Variants in LONRF1 observed in about 807,000 individuals in gnomAD.
LONRF1 encodes the protein LON peptidase N-terminal domain and RING finger protein 1.
A neutral mutation model predicts 85.8 loss-of-function variants in LONRF1; 37 were observed. That is an observed-to-expected ratio of 0.43 (90% CI 0.33 to 0.57). LONRF1 has a LOEUF of 0.57. Among genes scored for constraint, LONRF1 ranks in the 20% least tolerant of loss-of-function variants. The probability of loss-of-function intolerance (pLI) is 0.04; values close to 1 mark genes in which losing one functional copy is unlikely to be tolerated. For missense variants in LONRF1, 1,036 were observed against 978.0 expected, an observed-to-expected ratio of 1.06 and a Z score of -0.79; for synonymous variants, 517 against 390.1, an observed-to-expected ratio of 1.33 and a Z score of -3.83.
In LONRF1 at chr8:12,737,036, G is replaced by A; in HGVS notation, c.1218C>T (p.Asp406=). ...GTTCTGAGGACACTCTTTTTAAACA[G>A]TCCTCTCTGGCAGGCATTTCTGTTG... is the stretch of plus-strand genomic sequence containing the variant. ...INSTEMPARE[D]CLKRVSSEPV... Residue 406 remains aspartate (D), a synonymous_variant, in exon 5 of 12, where the codon GAC becomes GAT. Transcript: ENST00000398246. 6.2e-7 allele frequency: 1 copy of A among 1,613,652 alleles called. No homozygotes were observed. Among genetic ancestry groups the A allele is most frequent in the Non-Finnish European group, 8.5e-7 (1 of 1,179,722 alleles).
intron 8 of LONRF1, among the ~76,000 whole-genome samples, chr8:12,730,118 A>C (rs1798471477): frequency 6.6e-6 from 1 of 152,244 alleles, no homozygotes; most frequent in East Asian, 1.9e-4. Flanking sequence ...GATAGTAACC[A>C]AATTGTAGAA....
At chr8:12,743,079 T>C in intron 2 of LONRF1, 85 bp downstream of exon 2, 2 of 863,318 alleles carry the variant, frequency 2.3e-6, no homozygotes, top group Non-Finnish European at 3.9e-6. Context: ...CCATCTACTT[T>C]GTTAAAATTC....
At chr8:12,749,289 A>G (rs1452343569) in intron 1 of LONRF1, among the ~76,000 whole-genome samples, 1 of 152,212 alleles carries the variant, frequency 6.6e-6, no homozygotes, top group Non-Finnish European at 1.5e-5. Context: ...TCAGGAGAGC[A>G]GACTGGACAA....
chr8:12,754,691 C>T lies in LONRF1; in HGVS notation c.721+9G>A, dbSNP rs537970133. Reference sequence around the variant, plus strand: ...TCGGCCCGGCCCCGCCGCATCCCCGCGCGGTCACCTGCTCGCAGCGCCTCG... The same window carrying T: ...TCGGCCCGGCCCCGCCGCATCCCCGTGCGGTCACCTGCTCGCAGCGCCTCG... On this transcript the variant is annotated intron_variant, in intron 1 of 11. Coordinates refer to ENST00000398246, the MANE Select transcript of LONRF1 (RefSeq NM_152271.5). 4.5e-4 allele frequency: 599 copies of T among 1,342,908 alleles called. 17 individuals carry two copies. The South Asian group carries it at 0.011, about 24-fold the overall frequency. The allele number at this position is 1,342,908 out of a possible 1,614,324, so 83.2% of individuals were successfully genotyped here. A position where few individuals can be genotyped will look rare whatever the true frequency, so the allele number is the denominator to read the frequency against.
chr8:12,728,849 T>C, intron 10 of LONRF1, 52 bp downstream of exon 10: 2 of 1,594,960 alleles, frequency 1.3e-6, no homozygotes, highest in South Asian at 2.2e-5. Flanking sequence ...CCTGTACCAA[T>C]CCCTGGAACA....
At chr8:12,730,447 A>G (rs1433301921) in intron 8 of LONRF1, among the ~76,000 whole-genome samples, 3 of 152,178 alleles carry the variant, frequency 2.0e-5, no homozygotes, top group African/African-American at 7.2e-5. Context: ...TTACTTATAT[A>G]AACATAAGGT....
chr8:12,743,647 A>G (rs1476657325), intron 1 of LONRF1, among the ~76,000 whole-genome samples: 3 of 152,112 alleles, frequency 2.0e-5, no homozygotes. Flanking sequence ...TTTATAGTAA[A>G]TCTTATATTT....
At chr8:12,733,602 A>T (rs987999368) in intron 7 of LONRF1, among the ~76,000 whole-genome samples, 11 of 152,184 alleles carry the variant, frequency 7.2e-5, no homozygotes, top group African/African-American at 2.7e-4. Context: ...AATATCTGTC[A>T]TAATATCTTC....
Position 12,722,784 on chromosome 8 carries a change from G to A in LONRF1, c.*312C>T, listed in dbSNP as rs186016177. Reference sequence around the variant, plus strand: ...CCAACCCCCACAAGCACACACGCACGCACACACACACACACACTCTCTCAC... The same window carrying A: ...CCAACCCCCACAAGCACACACGCACACACACACACACACACACTCTCTCAC... On this transcript the variant is annotated 3_prime_UTR_variant, in exon 12 of 12. Coordinates refer to ENST00000398246, the MANE Select transcript of LONRF1 (RefSeq NM_152271.5). The A allele has an allele frequency of 1.0e-4, 18 of 174,746 alleles. No individual in the cohort carries two copies. The highest frequency in any genetic ancestry group is 3.2e-4 in the South Asian group (2 of 6,170). 10.8% of individuals were successfully genotyped at this position (174,746 alleles called of 1,614,324 possible). A position where few individuals can be genotyped will look rare whatever the true frequency, so the allele number is the denominator to read the frequency against.
chr8:12,725,175 A>C (rs1222911383), intron 11 of LONRF1, among the ~76,000 whole-genome samples: 2 of 152,248 alleles, frequency 1.3e-5, no homozygotes, highest in East Asian at 3.8e-4. Flanking sequence ...ACTAAGCTTA[A>C]GTGTAAACCC....
In LONRF1 at chr8:12,752,395, C is replaced by T. The variant is rs529468446; in HGVS notation, c.721+2305G>A. Among the ~76,000 whole-genome samples the T allele has an allele frequency of 1.1e-4, 16 of 152,204 alleles. No individual in the cohort carries two copies. The South Asian group carries it at 3.1e-3, about 30-fold the overall frequency. On this transcript the variant is annotated intron_variant, in intron 1 of 11. Coordinates refer to ENST00000398246, the MANE Select transcript of LONRF1 (RefSeq NM_152271.5). ...ATTTGTTAGCTCTGAGATTTTTTTC[C>T]TGTTAGTTCACATTAAGAATTCAAA...
chr8:12,731,677 G>GT, intron 8 of LONRF1, 59 bp downstream of exon 8: 1 of 1,478,288 alleles, frequency 6.8e-7, no homozygotes, highest in Non-Finnish European at 9.2e-7. Flanking sequence ...TTGCGGTGAG[G>GT]TTTTTCCTTA....
intron 1 of LONRF1, among the ~76,000 whole-genome samples, chr8:12,750,300 C>T (rs1186589176): frequency 6.6e-6 from 1 of 152,194 alleles, no homozygotes; most frequent in Non-Finnish European, 1.5e-5. Flanking sequence ...TAAGTAAGGA[C>T]ATAAATAAGT....
At chr8:12,725,676 A>C in intron 11 of LONRF1, 51 bp downstream of exon 11, 1 of 1,569,348 alleles carries the variant, frequency 6.4e-7, no homozygotes, top group African/African-American at 1.4e-5. Flanking sequence ...AAGTGTGCAA[A>C]TTTGGGTTTA....
Position 12,754,693 on chromosome 8 carries a change from C to A in LONRF1, c.721+7G>T. ...GGCCCGGCCCCGCCGCATCCCCGCGCGGTCACCTGCTCGCAGCGCCTCGCA... is the reference window on the plus strand; with the variant it reads ...GGCCCGGCCCCGCCGCATCCCCGCGAGGTCACCTGCTCGCAGCGCCTCGCA... On this transcript the variant is annotated splice_region_variant and intron_variant, in intron 1 of 11. Coordinates refer to ENST00000398246, the MANE Select transcript of LONRF1 (RefSeq NM_152271.5). The A allele has an allele frequency of 1.3e-5, 17 of 1,345,406 alleles. No individual in the cohort carries two copies. Among genetic ancestry groups the A allele is most frequent in the African/African-American group, 1.5e-5 (1 of 64,796 alleles). 83.3% of individuals were successfully genotyped at this position (1,345,406 alleles called of 1,614,324 possible). A position where few individuals can be genotyped will look rare whatever the true frequency, so the allele number is the denominator to read the frequency against.
In LONRF1 at chr8:12,729,391, T is replaced by A; in HGVS notation, c.1689-59A>T. ...TACAAGAAAAATATTACCGAACACA[T>A]ACAAAAAATGAGTGAGGTTTATAAC... On this transcript the variant is annotated intron_variant, in intron 8 of 11. Coordinates refer to ENST00000398246, the MANE Select transcript of LONRF1 (RefSeq NM_152271.5). The A allele has an allele frequency of 3.3e-6, 5 of 1,525,486 alleles. No individual in the cohort carries two copies. In the South Asian group the frequency reaches 3.5e-5, roughly 11 times the overall value. The allele number at this position is 1,525,486 out of a possible 1,614,324, so 94.5% of individuals were successfully genotyped here. A position where few individuals can be genotyped will look rare whatever the true frequency, so the allele number is the denominator to read the frequency against.
At chr8:12,739,511 T>C (rs531770124) in intron 3 of LONRF1, among the ~76,000 whole-genome samples, 21 of 152,268 alleles carry the variant, frequency 1.4e-4, no homozygotes, top group African/African-American at 5.1e-4. Context: ...ATGAAGGTAC[T>C]TTCTAGGGTG....
At position 12,754,754 on chromosome 8, in the gene LONRF1, G is replaced by C. The variant is rs1249890940; in HGVS notation, c.667C>G (p.His223Asp). ...RAAGRLGELL[H>D]QGRYREALAA... ...AGGGCCTCCCGGTAGCGCCCCTGGT[G>C]CAGTAGCTCCCCGAGCCTGCCGGCC... Residue 223 changes from histidine to aspartate, a missense_variant, in exon 1 of 12, where the codon CAC becomes GAC. Coordinates refer to ENST00000398246, the MANE Select transcript of LONRF1 (RefSeq NM_152271.5). 1.4e-5 allele frequency: 20 copies of C among 1,458,300 alleles called. No homozygotes were observed. Among genetic ancestry groups the C allele is most frequent in the Non-Finnish European group, 1.8e-5 (20 of 1,113,832 alleles). 90.3% of individuals were successfully genotyped at this position (1,458,300 alleles called of 1,614,324 possible).
chr8:12,749,432 T>C (rs1563158612), intron 1 of LONRF1, among the ~76,000 whole-genome samples: 1 of 152,212 alleles, frequency 6.6e-6, no homozygotes, highest in East Asian at 1.9e-4. Context: ...AATAAAACAA[T>C]TCCAATTTTG....
Sources: allele counts gnomAD v4.1 joint callset (sites outside exome capture counted in the v4.1 genomes callset), GRCh38; gene constraint gnomAD v4.1.1; transcripts MANE v1.5; gene names NCBI Gene and HGNC (gene_info 2026-07-23, HGNC 2026-07-21).